The following GAS2L3 variants were observed in gnomAD, a reference collection of about 807,000 sequenced individuals.
The protein encoded by GAS2L3 is growth arrest specific 2 like 3.
In GAS2L3, 28 loss-of-function variants were observed where a neutral mutation model predicts 37.0. The observed-to-expected ratio is 0.76, with a 90% CI of 0.56 to 1.04. The LOEUF (loss-of-function observed/expected upper bound fraction) is 1.04, where lower values mean the gene tolerates loss of function less well. GAS2L3 is among the 50% of genes least tolerant of loss of function. The pLI, the probability that GAS2L3 is intolerant of heterozygous loss-of-function variation, is 0.00. For synonymous variants in GAS2L3, 290 were observed against 296.6 expected, an observed-to-expected ratio of 0.98 and a Z score of 0.23; for missense variants, 793 against 817.6, an observed-to-expected ratio of 0.97 and a Z score of 0.37.
intron 5 of GAS2L3, among the ~76,000 whole-genome samples, chr12:100,607,789 C>G (rs1379426117): frequency 6.6e-6 from 1 of 151,988 alleles, no homozygotes; most frequent in Non-Finnish European, 1.5e-5. Context: ...ATTTCAGTCT[C>G]TTTGTTAAAT....
intron 8 of GAS2L3, among the ~76,000 whole-genome samples, chr12:100,620,917 A>G (rs938540381): frequency 6.6e-6 from 1 of 152,132 alleles, no homozygotes; most frequent in Admixed American, 6.6e-5. Context: ...GTTTGTATCA[A>G]CATAGATGCA....
At chr12:100,578,852 A>T in intron 1 of GAS2L3, 1 of 728,360 alleles carries the variant, frequency 1.4e-6, no homozygotes, top group East Asian at 2.6e-5. Context: ...TAATATATGT[A>T]TGGCATCTGA....
At chr12:100,611,617 A>G (rs1388496199) in intron 5 of GAS2L3, among the ~76,000 whole-genome samples, 1 of 152,152 alleles carries the variant, frequency 6.6e-6, no homozygotes, top group Non-Finnish European at 1.5e-5. Context: ...ATCATCAGCC[A>G]TTAGATTCTC....
chr12:100,612,840 A>G (rs990657628), intron 6 of GAS2L3, among the ~76,000 whole-genome samples: 2 of 152,070 alleles, frequency 1.3e-5, no homozygotes, highest in African/African-American at 4.8e-5. Context: ...CTGCCCTGGT[A>G]GAAGTTTTAT....
chr12:100,604,349 G>C (rs1956029268), intron 5 of GAS2L3, among the ~76,000 whole-genome samples: 1 of 151,554 alleles, frequency 6.6e-6, no homozygotes, highest in South Asian at 2.1e-4. Context: ...AATTTTATTT[G>C]TGACTGCTGT....
chr12:100,611,731 G>T (rs1248949245), intron 5 of GAS2L3, among the ~76,000 whole-genome samples: 1 of 152,088 alleles, frequency 6.6e-6, no homozygotes, highest in Admixed American at 6.5e-5. Flanking sequence ...CAGAGCTCAG[G>T]TGGTAATGCT....
intron 8 of GAS2L3, among the ~76,000 whole-genome samples, chr12:100,621,036 A>G (rs1838454981): frequency 1.3e-5 from 2 of 152,140 alleles, no homozygotes; most frequent in Admixed American, 1.3e-4. Flanking sequence ...ATATAGGAAA[A>G]TAAGTTCTGG....
At chr12:100,621,882 G>GGAGAGAGAGAGAGAGAGAGAGAGAGA (rs1205356059) in intron 8 of GAS2L3, among the ~76,000 whole-genome samples, 1 of 81,256 alleles carries the variant, frequency 1.2e-5, no homozygotes, top group African/African-American at 5.4e-5. Flanking sequence ...GGTGGGGGGG[G>GGAGAGAGAGAGAGAGAGAGAGAGAGA]GAGAGAGAGA....
In GAS2L3 at chr12:100,623,789, A is replaced by C. The variant is rs1256444159; in HGVS notation, c.984A>C (p.Lys328Asn). The C allele has an allele frequency of 6.2e-7, 1 of 1,614,006 alleles. No individual in the cohort carries two copies. The highest frequency in any genetic ancestry group is 1.7e-5 in the Admixed American group (1 of 59,974). ...TGTCAGCAGTTAACATGTTTCAGAAACAAAATTCAAAACCCAGCGTGCCAG... is the reference window on the plus strand; with the variant it reads ...TGTCAGCAGTTAACATGTTTCAGAACCAAAATTCAAAACCCAGCGTGCCAG... The part of the protein sequence containing the change: ...NPLSAVNMFQ[K>N]QNSKPSVPVS... Residue 328 changes from lysine to asparagine, a missense_variant, in exon 10 of 10, where the codon AAA (lysine) becomes AAC (asparagine). Lys to Asn is a moderately conservative substitution (Grantham distance 94). Transcript: ENST00000547754.
At chr12:100,591,107 A>T (rs2097584811) in intron 1 of GAS2L3, among the ~76,000 whole-genome samples, 1 of 152,164 alleles carries the variant, frequency 6.6e-6, no homozygotes, top group Non-Finnish European at 1.5e-5. Flanking sequence ...GTAAAAAATA[A>T]AATTATGTAT....
intron 3 of GAS2L3, among the ~76,000 whole-genome samples, chr12:100,598,412 G>A (rs542468781): frequency 4.6e-4 from 70 of 152,234 alleles, no homozygotes; most frequent in African/African-American, 1.5e-3. Flanking sequence ...CTAAACTCAG[G>A]TTATGCATCT....
intron 8 of GAS2L3, among the ~76,000 whole-genome samples, chr12:100,621,396 T>C (rs1956250138): frequency 1.3e-5 from 2 of 152,088 alleles, no homozygotes; most frequent in Admixed American, 6.6e-5. Flanking sequence ...AATTCTTAAA[T>C]TTGTTTTTAT....
intron 1 of GAS2L3, among the ~76,000 whole-genome samples, chr12:100,576,716 AGT>A (rs541942355): frequency 6.6e-6 from 1 of 151,844 alleles, no homozygotes; most frequent in East Asian, 2.0e-4. Context: ...AAACTCAGAA[AGT>A]GTTTTCATTT....
intron 4 of GAS2L3, 77 bp downstream of exon 4, chr12:100,600,627 G>A: frequency 1.7e-6 from 2 of 1,158,314 alleles, no homozygotes; most frequent in Non-Finnish European, 2.6e-6. Flanking sequence ...TCTTTGTCAA[G>A]GAGTGATTGT....
At chr12:100,620,245 T>C (rs1229298443) in intron 8 of GAS2L3, among the ~76,000 whole-genome samples, 1 of 152,014 alleles carries the variant, frequency 6.6e-6, no homozygotes, top group Admixed American at 6.6e-5. Flanking sequence ...GGATAATCAT[T>C]GTGATCATTG....
intron 1 of GAS2L3, among the ~76,000 whole-genome samples, chr12:100,584,579 C>CT (rs1229412743): frequency 0.034 from 4,993 of 145,640 alleles, 185 homozygotes; most frequent in African/African-American, 0.088. Flanking sequence ...ACTTGAATGT[C>CT]TTTTTTTTTT....
At chr12:100,579,087 A>G (rs1955675110) in intron 1 of GAS2L3, 13 of 733,606 alleles carry the variant, frequency 1.8e-5, no homozygotes, top group South Asian at 1.7e-4. Flanking sequence ...TTGCTCAAGT[A>G]CATATTTGTT....
intron 8 of GAS2L3, among the ~76,000 whole-genome samples, chr12:100,620,490 T>C (rs1956239734): frequency 6.6e-6 from 1 of 151,974 alleles, no homozygotes. Flanking sequence ...GTTCTGATTG[T>C]GGGTTAGTGC....
At chr12:100,615,227 G>A (rs1956171870) in intron 6 of GAS2L3, among the ~76,000 whole-genome samples, 1 of 152,074 alleles carries the variant, frequency 6.6e-6, no homozygotes. Context: ...GTATTTTGTT[G>A]TGGTTTTGAT....
Sources: allele counts gnomAD v4.1 joint callset (sites outside exome capture counted in the v4.1 genomes callset), GRCh38; gene constraint gnomAD v4.1.1; transcripts MANE v1.5; gene names NCBI Gene and HGNC (gene_info 2026-07-23, HGNC 2026-07-21).